The following DCLK3 variants were observed in gnomAD, a reference collection of about 807,000 sequenced individuals.
DCLK3 encodes the protein doublecortin like kinase 3, also known as serine/threonine-protein kinase DCLK3.
Under a neutral mutation model 46.4 loss-of-function variants are expected in DCLK3, and 30 were observed. The observed-to-expected ratio is 0.65, with a 90% CI of 0.48 to 0.88. The LOEUF (loss-of-function observed/expected upper bound fraction) is 0.88, where lower values mean the gene tolerates loss of function less well. Ranked by LOEUF, DCLK3 falls within the 40% of genes least tolerant of loss-of-function variation. The pLI, the probability that DCLK3 is intolerant of heterozygous loss-of-function variation, is 0.00. For synonymous variants in DCLK3, 401 were observed against 339.2 expected (o/e 1.18, Z -2.00); for missense variants, 846 against 907.1 (o/e 0.93, Z 0.87).
At chr3:36,722,269 A>C (rs1701070312) in intron 2 of DCLK3, among the ~76,000 whole-genome samples, 1 of 152,202 alleles carries the variant, frequency 6.6e-6, no homozygotes. Context: ...GAAAGAATGA[A>C]TATGACCTAT....
At chr3:36,720,962 GTCAT>G (rs1701047209) in intron 3 of DCLK3, among the ~76,000 whole-genome samples, 1 of 152,098 alleles carries the variant, frequency 6.6e-6, no homozygotes, top group African/African-American at 2.4e-5. Flanking sequence ...TAGTCAAATA[GTCAT>G]TCATATATTT....
chr3:36,749,991 T>C (rs1032036446), intron 1 of DCLK3, among the ~76,000 whole-genome samples: 2 of 152,218 alleles, frequency 1.3e-5, no homozygotes, highest in African/African-American at 4.8e-5. Context: ...ATGGATCCCA[T>C]GAAAGACACA....
intron 1 of DCLK3, among the ~76,000 whole-genome samples, chr3:36,760,203 A>G (rs1455298451): frequency 6.6e-6 from 1 of 152,130 alleles, no homozygotes; most frequent in Non-Finnish European, 1.5e-5. Flanking sequence ...AACCCTCCCC[A>G]TCATCTCTCC....
Position 36,718,110 on chromosome 3 carries a change from G to A in DCLK3, c.2160C>T (p.Pro720=), listed in dbSNP as rs1022094172. 1 of 1,614,146 alleles carries A rather than the reference G, an allele frequency of 6.2e-7. No homozygotes were observed. The highest frequency in any genetic ancestry group is 8.5e-7 in the Non-Finnish European group (1 of 1,180,014). The change falls in exon 4 of 5, where the codon CCC becomes CCT. Residue 720 remains proline (P), a synonymous_variant. Transcript: ENST00000636136. ...GGTCCCTCTCAGGGCTGCGGAATGG[G>A]GGAAAGCCACACAGCAGGATATAGA... is the stretch of plus-strand genomic sequence containing the variant. The part of the protein sequence containing the change: ...VILYILLCGF[P]PFRSPERDQD...
Position 36,751,999 on chromosome 3 carries a change from C to G in DCLK3, c.82+12183G>C, listed in dbSNP as rs112816736. On this transcript the variant is annotated intron_variant, in intron 1 of 4. Coordinates refer to ENST00000636136, the MANE Select transcript of DCLK3 (RefSeq NM_001394672.2). Reference sequence around the variant, plus strand: ...AGCTGTCAACATTCTGTAGGGCCAGCACACTGTCATGGATTCCATTGGTAC... The same window carrying G: ...AGCTGTCAACATTCTGTAGGGCCAGGACACTGTCATGGATTCCATTGGTAC... Among the ~76,000 whole-genome samples the G allele has an allele frequency of 8.7e-3, 1,332 of 152,356 alleles. 23 individuals are homozygous for G. The highest frequency in any genetic ancestry group is 0.031 in the African/African-American group (1,280 of 41,582).
chr3:36,741,144 A>T (rs1234542738), intron 1 of DCLK3, among the ~76,000 whole-genome samples: 2 of 152,176 alleles, frequency 1.3e-5, no homozygotes, highest in Non-Finnish European at 2.9e-5. Context: ...TGTCTGAGAT[A>T]GCTGATGTTG....
At chr3:36,740,083 T>C (rs1169432220) in intron 1 of DCLK3, among the ~76,000 whole-genome samples, 3 of 151,894 alleles carry the variant, frequency 2.0e-5, no homozygotes, top group Non-Finnish European at 4.4e-5. Context: ...GGCATGGCCA[T>C]GGACTGCTTG....
At chr3:36,723,504 C>G (rs907857573) in intron 2 of DCLK3, among the ~76,000 whole-genome samples, 4 of 152,184 alleles carry the variant, frequency 2.6e-5, no homozygotes, top group African/African-American at 9.7e-5. Flanking sequence ...CATCCTATCA[C>G]AGGTGTAGAG....
chr3:36,729,550 G>C (rs938613932), intron 2 of DCLK3, among the ~76,000 whole-genome samples: 1 of 152,178 alleles, frequency 6.6e-6, no homozygotes, highest in African/African-American at 2.4e-5. Context: ...TAATCTGAAA[G>C]CTTCAAGAAG....
chr3:36,721,280 A>AAC (rs3034440), intron 3 of DCLK3, among the ~76,000 whole-genome samples: 27,570 of 150,162 alleles, frequency 0.18, 3,388 homozygotes, highest in East Asian at 0.49. Flanking sequence ...AAACACAATA[A>AAC]ACACACACAC....
In DCLK3 at chr3:36,723,276, T is replaced by C. The variant is rs561051436; in HGVS notation, c.1960-1617A>G. Among the ~76,000 whole-genome samples the C allele has an allele frequency of 1.4e-4, 21 of 152,328 alleles. No homozygotes were observed. In the South Asian group the frequency reaches 4.1e-3, roughly 30 times the overall value. On this transcript the variant is annotated intron_variant, in intron 2 of 4. Coordinates refer to ENST00000636136, the MANE Select transcript of DCLK3 (RefSeq NM_001394672.2). ...GCAGTAAAGCATTCAAGAGGTGACT[T>C]GGGTGCTGTTAAAGACATTCAGTTT...
intron 1 of DCLK3, among the ~76,000 whole-genome samples, chr3:36,747,267 A>C (rs1416020796): frequency 6.6e-6 from 1 of 152,162 alleles, no homozygotes; most frequent in Middle Eastern, 3.2e-3. Flanking sequence ...ACAGATTGAC[A>C]GGAGAAAAAT....
intron 4 of DCLK3, among the ~76,000 whole-genome samples, chr3:36,716,614 G>A (rs1382695224): frequency 1.3e-5 from 2 of 152,238 alleles, no homozygotes; most frequent in African/African-American, 2.4e-5. Flanking sequence ...CCCTCCAGAT[G>A]GCCACTCCTT....
At chr3:36,716,339 C>A (rs764004845) in intron 4 of DCLK3, among the ~76,000 whole-genome samples, 23 of 152,186 alleles carry the variant, frequency 1.5e-4, no homozygotes, top group Non-Finnish European at 2.6e-4. Context: ...AGACCAGCTG[C>A]TTACCCACCA....
At chr3:36,762,289 A>G (rs1701546879) in intron 1 of DCLK3, among the ~76,000 whole-genome samples, 1 of 152,242 alleles carries the variant, frequency 6.6e-6, no homozygotes, top group South Asian at 2.1e-4. Context: ...ACATAGGAAG[A>G]ATAAAAACAT....
At chr3:36,758,532 A>G (rs2125539447) in intron 1 of DCLK3, among the ~76,000 whole-genome samples, 1 of 152,312 alleles carries the variant, frequency 6.6e-6, no homozygotes, top group East Asian at 1.9e-4. Flanking sequence ...TGTTCCTTCC[A>G]CTGTGTGAAG....
Position 36,753,624 on chromosome 3 carries a change from C to T in DCLK3, c.82+10558G>A, listed in dbSNP as rs972036762. Among the ~76,000 whole-genome samples, 3 of 152,220 alleles carry T rather than the reference C, an allele frequency of 2.0e-5. No homozygotes were observed. The East Asian group carries it at 5.8e-4, about 29-fold the overall frequency. ...AGTAACTAACAAGCATTCCTGAGAA[C>T]ACAGGAATTCCAGAGGTCTTTCAGT... On this transcript the variant is annotated intron_variant, in intron 1 of 4. Transcript: ENST00000636136.
At chr3:36,722,907 T>G (rs977956357) in intron 2 of DCLK3, among the ~76,000 whole-genome samples, 2 of 152,218 alleles carry the variant, frequency 1.3e-5, no homozygotes, top group African/African-American at 4.8e-5. Context: ...GGGGCACTGC[T>G]GGAAAGATAC....
chr3:36,736,190 G>A (rs1701260405), intron 2 of DCLK3, among the ~76,000 whole-genome samples: 1 of 152,172 alleles, frequency 6.6e-6, no homozygotes, highest in Admixed American at 6.5e-5. Flanking sequence ...TGTGGGCTGT[G>A]TTAGATGATT....
Sources: gnomAD v4.1 joint callset for allele counts (sites outside exome capture counted in the v4.1 genomes callset) on GRCh38, gnomAD v4.1.1 for gene constraint, MANE v1.5 for transcripts, NCBI Gene and HGNC (gene_info 2026-07-23, HGNC 2026-07-21) for gene names.